PDE5A: variants seen among roughly 807,000 people sequenced by gnomAD.
The protein encoded by PDE5A is phosphodiesterase 5A.
In PDE5A, 67 loss-of-function variants were observed where a neutral mutation model predicts 110.2. That is an observed-to-expected ratio of 0.61 (90% CI 0.50 to 0.75). PDE5A has a LOEUF of 0.75. Among genes scored for constraint, PDE5A ranks in the 30% least tolerant of loss-of-function variants. PDE5A has a pLI of 0.00. For synonymous variants in PDE5A, 328 were observed against 351.2 expected (o/e 0.93, Z 0.74); for missense variants, 862 against 1,045.1 (o/e 0.82, Z 2.42).
intron 18 of PDE5A, 26 bp downstream of exon 18, chr4:119,504,510 A>G: frequency 6.4e-7 from 1 of 1,572,642 alleles, no homozygotes; most frequent in Non-Finnish European, 8.7e-7. Flanking sequence ...CTTTTTAATT[A>G]TTGTTATTGT....
intron 3 of PDE5A, among the ~76,000 whole-genome samples, chr4:119,569,998 G>A (rs1490307032): frequency 6.6e-6 from 1 of 152,130 alleles, no homozygotes; most frequent in African/African-American, 2.4e-5. Context: ...AGAGACAACT[G>A]TATATCTAAC....
intron 19 of PDE5A, among the ~76,000 whole-genome samples, chr4:119,501,984 C>G (rs1288605859): frequency 1.3e-5 from 2 of 151,672 alleles, no homozygotes; most frequent in African/African-American, 4.8e-5. Flanking sequence ...GCTCTGAACA[C>G]ACTTCTGAGG....
At chr4:119,596,067 AAAATTTC>A (rs1438963518) in intron 3 of PDE5A, among the ~76,000 whole-genome samples, 3 of 152,202 alleles carry the variant, frequency 2.0e-5, no homozygotes, top group Non-Finnish European at 4.4e-5. Flanking sequence ...TTTGCCTGTT[AAAATTTC>A]AAATTGAAAT....
intron 3 of PDE5A, among the ~76,000 whole-genome samples, chr4:119,572,342 G>A (rs1728170740): frequency 6.6e-6 from 1 of 152,146 alleles, no homozygotes; most frequent in Non-Finnish European, 1.5e-5. Flanking sequence ...ATGCCAGAAA[G>A]AATAAAATTT....
chr4:119,598,244 A>T (rs1038322002), intron 2 of PDE5A, among the ~76,000 whole-genome samples: 1 of 152,174 alleles, frequency 6.6e-6, no homozygotes, highest in Non-Finnish European at 1.5e-5. Context: ...TAAATTTAGT[A>T]GGACTTTCAC....
chr4:119,616,816 CAA>C (rs762002972), intron 1 of PDE5A, among the ~76,000 whole-genome samples: 1 of 151,684 alleles, frequency 6.6e-6, no homozygotes, highest in African/African-American at 2.4e-5. Context: ...ATAGTTTTAA[CAA>C]AGAGTTTATT....
chr4:119,510,931 A>G (rs1725721624), intron 15 of PDE5A, 116 bp downstream of exon 15: 1 of 668,762 alleles, frequency 1.5e-6, no homozygotes, highest in Non-Finnish European at 2.5e-6. Flanking sequence ...TTACCCAAAA[A>G]GGAATAAAGT....
intron 1 of PDE5A, among the ~76,000 whole-genome samples, chr4:119,609,170 A>T (rs1729651388): frequency 1.3e-5 from 2 of 152,212 alleles, no homozygotes; most frequent in South Asian, 4.1e-4. Flanking sequence ...TCAAAAAAAA[A>T]AATAAAAAAA....
At chr4:119,509,700 G>A (rs894334296) in intron 15 of PDE5A, among the ~76,000 whole-genome samples, 3 of 152,018 alleles carry the variant, frequency 2.0e-5, no homozygotes, top group Non-Finnish European at 4.4e-5. Flanking sequence ...ACAGTCACAT[G>A]TTGTAGAAAA....
rs189475978 is a variant in PDE5A, at chr4:119,555,122, C to T, written c.1200-1376G>A. 2.6e-5 allele frequency among the ~76,000 whole-genome samples: 4 copies of T among 152,280 alleles called. No homozygotes were observed. In the East Asian group the frequency reaches 7.7e-4, roughly 29 times the overall value. ...TAGTGATTCCACAAAGATTCCTGAACCCTGTGGCCTGGTTCCTGGTCAAAA... is the reference window on the plus strand; with the variant it reads ...TAGTGATTCCACAAAGATTCCTGAATCCTGTGGCCTGGTTCCTGGTCAAAA... On this transcript the variant is annotated intron_variant, in intron 7 of 20. Transcript: ENST00000354960.
intron 19 of PDE5A, chr4:119,502,331 C>A: frequency 3.3e-6 from 1 of 299,550 alleles, no homozygotes; most frequent in Non-Finnish European, 6.2e-6. Context: ...GTTTCTAATA[C>A]TTAAGCGGAA....
chr4:119,571,285 G>C (rs935399111), intron 3 of PDE5A, among the ~76,000 whole-genome samples: 1 of 152,196 alleles, frequency 6.6e-6, no homozygotes, highest in African/African-American at 2.4e-5. Flanking sequence ...CTACGAATAT[G>C]TGACCCTTAA....
At chr4:119,541,404 C>A (rs1260921273) in intron 10 of PDE5A, among the ~76,000 whole-genome samples, 1 of 151,468 alleles carries the variant, frequency 6.6e-6, no homozygotes, top group African/African-American at 2.4e-5. Context: ...TGTATATGCA[C>A]CTAATTGAAA....
Position 119,628,525 on chromosome 4 carries a change from G to A in PDE5A, c.147C>T (p.Ala49=), listed in dbSNP as rs199552467. 1.3e-5 allele frequency: 20 copies of A among 1,576,536 alleles called. No individual in the cohort carries two copies. The African/African-American group carries it at 2.7e-4, about 21-fold the overall frequency. Residue 49 remains alanine, a synonymous_variant, in exon 1 of 21, where the codon GCC becomes GCT. Coordinates refer to ENST00000354960, the MANE Select transcript of PDE5A (RefSeq NM_001083.4). ...DFTFSYFVRK[A]TREMVNAWFA... ...TCCGTGGGTCCTCTTCTTACCTGGT[G>A]GCTTTTCTAACAAAGTATGAGAAGG...
intron 11 of PDE5A, among the ~76,000 whole-genome samples, chr4:119,535,280 A>G (rs1726689836): frequency 6.6e-6 from 1 of 152,032 alleles, no homozygotes; most frequent in Non-Finnish European, 1.5e-5. Flanking sequence ...TAACATGGTC[A>G]CCCCTCATCC....
At chr4:119,502,146 TTGATGGCGAGA>T (rs1219047574) in intron 19 of PDE5A, among the ~76,000 whole-genome samples, 2 of 152,112 alleles carry the variant, frequency 1.3e-5, no homozygotes, top group Non-Finnish European at 2.9e-5. Context: ...TTAAATTCTT[TTGATGGCGAGA>T]ACCAAGGAGT....
chr4:119,528,120 T>A (rs1474076856), intron 11 of PDE5A, among the ~76,000 whole-genome samples: 2 of 152,188 alleles, frequency 1.3e-5, no homozygotes, highest in Admixed American at 1.3e-4. Flanking sequence ...TTTGATGGTA[T>A]ATGTATTCTT....
chr4:119,602,225 T>C lies in PDE5A; in HGVS notation c.741+4484A>G, dbSNP rs192309520. On this transcript the variant is annotated intron_variant, in intron 2 of 20. Coordinates refer to ENST00000354960, the MANE Select transcript of PDE5A (RefSeq NM_001083.4). ...AGAAAATATACACTGAACTATTTAG[T>C]AAAAACATATCTTTAGCTTATTAAA... is the stretch of plus-strand genomic sequence containing the variant. Among the ~76,000 whole-genome samples, 218 of 152,254 alleles carry C rather than the reference T, an allele frequency of 1.4e-3. 1 individual carries two copies. In the Middle Eastern group the frequency reaches 0.024, roughly 17 times the overall value.
At chr4:119,551,175 T>C (rs1727341550) in intron 9 of PDE5A, among the ~76,000 whole-genome samples, 1 of 152,136 alleles carries the variant, frequency 6.6e-6, no homozygotes, top group Non-Finnish European at 1.5e-5. Flanking sequence ...ACAAGACTGA[T>C]TTATAAAACC....
Sources: allele counts gnomAD v4.1 joint callset (sites outside exome capture counted in the v4.1 genomes callset), GRCh38; gene constraint gnomAD v4.1.1; transcripts MANE v1.5; gene names NCBI Gene and HGNC (gene_info 2026-07-23, HGNC 2026-07-21).